The following ZNF569 variants were observed in gnomAD, a reference collection of about 807,000 sequenced individuals.
ZNF569 encodes the protein zinc finger protein 569.
A neutral mutation model predicts 56.3 loss-of-function variants in ZNF569; 38 were observed. The ratio of observed to expected loss-of-function variants is 0.68; its 90% confidence interval spans 0.52 to 0.88. The LOEUF is 0.88. Ranked by LOEUF, ZNF569 falls within the 40% of genes least tolerant of loss-of-function variation. The pLI, the probability that ZNF569 is intolerant of heterozygous loss-of-function variation, is 0.00. For synonymous variants in ZNF569, 241 were observed against 262.9 expected, an observed-to-expected ratio of 0.92 and a Z score of 0.81; for missense variants, 666 against 809.2, an observed-to-expected ratio of 0.82 and a Z score of 2.15.
chr19:37,439,317 C>T (rs557265831), intron 3 of ZNF569, among the ~76,000 whole-genome samples: 2 of 152,276 alleles, frequency 1.3e-5, no homozygotes, highest in African/African-American at 2.4e-5. Flanking sequence ...ATGATCCACC[C>T]GCCTTGGCCT....
At chr19:37,444,518 A>C (rs2041461507) in intron 3 of ZNF569, among the ~76,000 whole-genome samples, 4 of 152,196 alleles carry the variant, frequency 2.6e-5, no homozygotes. Flanking sequence ...CTTGATCGAA[A>C]GAGAACATCA....
intron 3 of ZNF569, among the ~76,000 whole-genome samples, chr19:37,441,494 C>T (rs774046718): frequency 6.6e-6 from 1 of 152,038 alleles, no homozygotes; most frequent in African/African-American, 2.4e-5. Context: ...CTTGTCTCTA[C>T]AAATTGTTTT....
chr19:37,451,977 T>C (rs1323550587), intron 2 of ZNF569, among the ~76,000 whole-genome samples: 1 of 152,238 alleles, frequency 6.6e-6, no homozygotes, highest in Non-Finnish European at 1.5e-5. Context: ...TTAGTTGCTT[T>C]ATGTTAGTCT....
intron 5 of ZNF569, among the ~76,000 whole-genome samples, chr19:37,421,345 T>C (rs2146875530): frequency 6.6e-6 from 1 of 152,334 alleles, no homozygotes; most frequent in East Asian, 1.9e-4. Flanking sequence ...AGATGGCATC[T>C]TCTTCCAATA....
At chr19:37,461,640 T>A (rs2041759228) in intron 2 of ZNF569, among the ~76,000 whole-genome samples, 1 of 152,258 alleles carries the variant, frequency 6.6e-6, no homozygotes, top group East Asian at 1.9e-4. Flanking sequence ...CCTCTAATAT[T>A]ACAACCCAAT....
chr19:37,429,388 G>A (rs1039689151), intron 3 of ZNF569, among the ~76,000 whole-genome samples: 5 of 152,200 alleles, frequency 3.3e-5, no homozygotes, highest in East Asian at 1.9e-4. Flanking sequence ...AAAGAGTTTC[G>A]TTCTCTGCCC....
intron 2 of ZNF569, among the ~76,000 whole-genome samples, chr19:37,448,976 T>C (rs1447061089): frequency 6.6e-6 from 1 of 152,218 alleles, no homozygotes; most frequent in South Asian, 2.1e-4. Flanking sequence ...TGCAACAAAC[T>C]TCCCTGTATG....
intron 2 of ZNF569, among the ~76,000 whole-genome samples, chr19:37,463,951 A>G (rs1431981346): frequency 6.6e-6 from 1 of 152,218 alleles, no homozygotes; most frequent in Non-Finnish European, 1.5e-5. Context: ...TAAGTTAAGT[A>G]TTATTATAAA....
At chr19:37,440,477 A>C (rs1231119977) in intron 3 of ZNF569, among the ~76,000 whole-genome samples, 1 of 152,150 alleles carries the variant, frequency 6.6e-6, no homozygotes, top group Non-Finnish European at 1.5e-5. Flanking sequence ...TGAGGTGATA[A>C]AAATGTTACA....
chr19:37,414,106 G>C lies in ZNF569; in HGVS notation c.552C>G (p.Thr184=), dbSNP rs765677984. Residue 184 remains threonine (T), a synonymous_variant, in exon 6 of 6, where the codon ACC becomes ACG. Coordinates refer to ENST00000316950, the MANE Select transcript of ZNF569 (RefSeq NM_152484.3). ...TTCCACAATGATTACACTTAAAGGG[G>C]GTAATGACAAAATGGGATGAGCTAT... ...YGNSSSHFVI[T]PFKCNHCGKG... The C allele has an allele frequency of 1.9e-6, 3 of 1,613,726 alleles. No homozygotes were observed. The highest frequency in any genetic ancestry group is 2.5e-6 in the Non-Finnish European group (3 of 1,179,888).
chr19:37,451,821 G>T (rs73631071), intron 2 of ZNF569, among the ~76,000 whole-genome samples: 2,601 of 152,218 alleles, frequency 0.017, 70 homozygotes, highest in African/African-American at 0.059. Context: ...TATGTGTGCC[G>T]TTAAGATCTG....
intron 5 of ZNF569, among the ~76,000 whole-genome samples, chr19:37,415,695 C>T (rs2040917844): frequency 6.8e-6 from 1 of 147,472 alleles, no homozygotes; most frequent in African/African-American, 2.6e-5. Context: ...ACAGTGAAAC[C>T]CCATCTCTAC....
In ZNF569 at chr19:37,412,760, G is replaced by A. The variant is rs763734410; in HGVS notation, c.1898C>T (p.Pro633Leu). Residue 633 changes from proline to leucine, a missense_variant, in exon 6 of 6, where the codon CCC becomes CTC. Coordinates refer to ENST00000316950, the MANE Select transcript of ZNF569 (RefSeq NM_152484.3). ...IHIRGHTGEK[P>L]FDCSKCGKAF... Reference sequence around the variant, plus strand: ...TTTTCCACATTTACTACAGTCGAAGGGTTTCTCACCTGTATGTCCTCGTAT... The same window carrying A: ...TTTTCCACATTTACTACAGTCGAAGAGTTTCTCACCTGTATGTCCTCGTAT... 9 of 1,613,860 alleles carry A rather than the reference G, an allele frequency of 5.6e-6. No homozygotes were observed. Among genetic ancestry groups the A allele is most frequent in the Non-Finnish European group, 2.5e-6 (3 of 1,179,918 alleles).
chr19:37,442,031 ATTAG>A (rs1327971678), intron 3 of ZNF569, among the ~76,000 whole-genome samples: 1 of 152,236 alleles, frequency 6.6e-6, no homozygotes, highest in Non-Finnish European at 1.5e-5. Flanking sequence ...CTGCATTAAA[ATTAG>A]TTTTTTCATT....
chr19:37,426,493 T>G, intron 3 of ZNF569, 115 bp from the exon 4 acceptor site: 6 of 1,138,896 alleles, frequency 5.3e-6, no homozygotes, highest in Non-Finnish European at 5.9e-6. Flanking sequence ...GCCCATCATA[T>G]TAGCAGCATC....
intron 3 of ZNF569, chr19:37,427,788 C>T (rs1318676722): frequency 3.9e-6 from 2 of 516,172 alleles, no homozygotes; most frequent in Non-Finnish European, 7.7e-6. Flanking sequence ...TTAATATTTC[C>T]CCTCATCTGG....
intron 3 of ZNF569, among the ~76,000 whole-genome samples, chr19:37,438,471 C>T (rs1474716066): frequency 6.6e-6 from 1 of 152,062 alleles, no homozygotes; most frequent in African/African-American, 2.4e-5. Context: ...CCATACATCT[C>T]CAGCGAACTC....
At chr19:37,433,199 G>C (rs1224500011) in intron 3 of ZNF569, among the ~76,000 whole-genome samples, 1 of 152,076 alleles carries the variant, frequency 6.6e-6, no homozygotes, top group East Asian at 1.9e-4. Context: ...TTGTAGGCAT[G>C]AGCCACCACC....
At chr19:37,456,309 T>A (rs960702653) in intron 2 of ZNF569, among the ~76,000 whole-genome samples, 3 of 152,242 alleles carry the variant, frequency 2.0e-5, no homozygotes, top group Admixed American at 6.5e-5. Flanking sequence ...TCAATCCGTA[T>A]ATTTATTGTT....
Sources: gnomAD v4.1 joint callset for allele counts (sites outside exome capture counted in the v4.1 genomes callset) on GRCh38, gnomAD v4.1.1 for gene constraint, MANE v1.5 for transcripts, NCBI Gene and HGNC (gene_info 2026-07-23, HGNC 2026-07-21) for gene names.